LRMDA: variants seen among roughly 807,000 people sequenced by gnomAD.
The protein encoded by LRMDA is leucine rich melanocyte differentiation associated, also known as leucine-rich melanocyte differentiation-associated protein.
A neutral mutation model predicts 29.8 loss-of-function variants in LRMDA; 18 were observed. The observed-to-expected ratio is 0.60, with a 90% CI of 0.42 to 0.90. The LOEUF (loss-of-function observed/expected upper bound fraction) is 0.90, where lower values mean the gene tolerates loss of function less well. Among genes scored for constraint, LRMDA ranks in the 40% least tolerant of loss-of-function variants. The pLI is 0.00. For missense variants in LRMDA, 273 were observed against 273.9 expected, an observed-to-expected ratio of 1.00 and a Z score of 0.02; for synonymous variants, 125 against 109.4, an observed-to-expected ratio of 1.14 and a Z score of -0.89.
intron 2 of LRMDA, among the ~76,000 whole-genome samples, chr10:75,942,090 C>T (rs1018393800): frequency 3.9e-5 from 6 of 152,142 alleles, no homozygotes; most frequent in Non-Finnish European, 8.8e-5. Context: ...GATGGAGGCT[C>T]TCTGGTCTTC....
intron 6 of LRMDA, among the ~76,000 whole-genome samples, chr10:76,390,788 G>T (rs1263085612): frequency 6.6e-6 from 1 of 152,140 alleles, no homozygotes; most frequent in Non-Finnish European, 1.5e-5. Flanking sequence ...AGATTTGTCA[G>T]CCCCCTTCCC....
In LRMDA at chr10:75,981,625, G is replaced by A. The variant is rs894267716; in HGVS notation, c.132-54383G>A. On this transcript the variant is annotated intron_variant, in intron 2 of 6. Transcript: ENST00000611255. ...TCCCAGCACTTTGGGAGGCTGAGGC[G>A]GGCAGATCACGAGGTCAAGAGATCG... Among the ~76,000 whole-genome samples the A allele has an allele frequency of 2.6e-5, 4 of 152,054 alleles. No individual in the cohort carries two copies. In the East Asian group the frequency reaches 5.8e-4, roughly 22 times the overall value.
At chr10:76,056,970 G>A (rs1355628102) in intron 4 of LRMDA, among the ~76,000 whole-genome samples, 3 of 152,182 alleles carry the variant, frequency 2.0e-5, no homozygotes, top group East Asian at 1.9e-4. Flanking sequence ...AATTGCTCCA[G>A]ATGGGCTGCT....
chr10:75,485,867 T>C (rs573753979), intron 2 of LRMDA, among the ~76,000 whole-genome samples: 1 of 152,252 alleles, frequency 6.6e-6, no homozygotes, highest in Non-Finnish European at 1.5e-5. Flanking sequence ...TGTGAGCCAC[T>C]GTGCCCAGCT....
chr10:76,484,370 G>A (rs749011868), intron 6 of LRMDA, among the ~76,000 whole-genome samples: 47 of 151,816 alleles, frequency 3.1e-4, no homozygotes, highest in Non-Finnish European at 5.4e-4. Context: ...AATTAGGGTA[G>A]CAATGAAACA....
rs894304971 is a variant in LRMDA, at chr10:75,897,813, C to T, written c.132-138195C>T. On this transcript the variant is annotated intron_variant, in intron 2 of 6. Coordinates refer to ENST00000611255, the MANE Select transcript of LRMDA (RefSeq NM_001305581.2). ...GCTAGTTTTGCTAAAGCACTTCTTC[C>T]TGCCTTTTTTTTTTTTTTTTTTTTT... 7.4e-5 allele frequency among the ~76,000 whole-genome samples: 10 copies of T among 134,402 alleles called. No homozygotes were observed. The Admixed American group carries it at 8.2e-4, about 11-fold the overall frequency. The allele number at this position is 134,402 out of a possible 152,430, so 88.2% of individuals were successfully genotyped here. A position where few individuals can be genotyped will look rare whatever the true frequency, so the allele number is the denominator to read the frequency against.
At chr10:76,411,177 C>T (rs1841957061) in intron 6 of LRMDA, among the ~76,000 whole-genome samples, 2 of 152,162 alleles carry the variant, frequency 1.3e-5, no homozygotes, top group Admixed American at 1.3e-4. Flanking sequence ...GCGAGCTGAT[C>T]TTAGTGTTAC....
intron 2 of LRMDA, among the ~76,000 whole-genome samples, chr10:76,017,606 A>G (rs1269265642): frequency 6.6e-6 from 1 of 152,162 alleles, no homozygotes; most frequent in Non-Finnish European, 1.5e-5. Flanking sequence ...AGGAGTCTCC[A>G]TTCTCTAAAA....
intron 2 of LRMDA, among the ~76,000 whole-genome samples, chr10:75,753,707 A>G (rs556405592): frequency 4.3e-4 from 66 of 152,332 alleles, no homozygotes; most frequent in African/African-American, 1.5e-3. Flanking sequence ...TGAAGCCCAG[A>G]TGAGTTTTAA....
At chr10:75,522,460 TA>T (rs1845372514) in intron 2 of LRMDA, among the ~76,000 whole-genome samples, 3 of 152,166 alleles carry the variant, frequency 2.0e-5, no homozygotes, top group Admixed American at 1.3e-4. Flanking sequence ...AAAAATAACA[TA>T]AAAATGCTAT....
intron 2 of LRMDA, among the ~76,000 whole-genome samples, chr10:76,013,289 G>T (rs1011497892): frequency 2.6e-5 from 4 of 151,042 alleles, no homozygotes; most frequent in African/African-American, 9.8e-5. Flanking sequence ...ATAATAAGAT[G>T]ATTTAATTTT....
chr10:75,649,626 A>G (rs924216696), intron 2 of LRMDA, among the ~76,000 whole-genome samples: 8 of 152,204 alleles, frequency 5.3e-5, no homozygotes, highest in African/African-American at 1.9e-4. Context: ...TAGTGCACAG[A>G]TATCTCTTCC....
intron 4 of LRMDA, among the ~76,000 whole-genome samples, chr10:76,048,808 T>C (rs2132043140): frequency 6.6e-6 from 1 of 152,332 alleles, no homozygotes; most frequent in Non-Finnish European, 1.5e-5. Context: ...TCTCACTTCT[T>C]CATGTATTTC....
chr10:76,002,739 G>A (rs560766353), intron 2 of LRMDA, among the ~76,000 whole-genome samples: 1 of 152,150 alleles, frequency 6.6e-6, no homozygotes, highest in Non-Finnish European at 1.5e-5. Flanking sequence ...AACAGGTAAG[G>A]TCCTTGGCAT....
chr10:76,531,824 A>T (rs201346375), intron 6 of LRMDA, among the ~76,000 whole-genome samples: 2 of 152,018 alleles, frequency 1.3e-5, no homozygotes, highest in East Asian at 3.9e-4. Context: ...CTACCCCTTC[A>T]ATTTTCTGGA....
intron 2 of LRMDA, among the ~76,000 whole-genome samples, chr10:75,757,674 G>A (rs776159383): frequency 1.3e-5 from 2 of 152,096 alleles, no homozygotes; most frequent in African/African-American, 4.8e-5. Flanking sequence ...TGGTATGTAC[G>A]GTACTTAGAA....
intron 6 of LRMDA, among the ~76,000 whole-genome samples, chr10:76,530,118 G>A (rs375377482): frequency 7.2e-5 from 11 of 152,254 alleles, no homozygotes; most frequent in Admixed American, 2.6e-4. Context: ...TCCCAAAACA[G>A]AAAGCATGGA....
chr10:76,453,362 A>G (rs576818820), intron 6 of LRMDA, among the ~76,000 whole-genome samples: 1 of 152,318 alleles, frequency 6.6e-6, no homozygotes, highest in East Asian at 1.9e-4. Flanking sequence ...CTCATGGCAA[A>G]GTGTATATGA....
At chr10:75,561,649 C>A (rs1266782574) in intron 2 of LRMDA, among the ~76,000 whole-genome samples, 3 of 151,252 alleles carry the variant, frequency 2.0e-5, no homozygotes, top group Non-Finnish European at 4.4e-5. Flanking sequence ...ATCTTTCCTG[C>A]TTTCTCTTGT....
Sources: allele counts gnomAD v4.1 joint callset (sites outside exome capture counted in the v4.1 genomes callset), GRCh38; gene constraint gnomAD v4.1.1; transcripts MANE v1.5; gene names NCBI Gene and HGNC (gene_info 2026-07-23, HGNC 2026-07-21).